Variants in ELF1 observed in about 807,000 individuals in gnomAD.
ELF1 encodes the protein ETS-related transcription factor Elf-1.
ELF1 carries 24 observed loss-of-function variants against 59.9 expected under a neutral mutation model. The observed-to-expected ratio is 0.40, with a 90% CI of 0.29 to 0.56. The LOEUF (loss-of-function observed/expected upper bound fraction) is 0.56. ELF1 is among the 20% of genes least tolerant of loss of function. The probability of loss-of-function intolerance (pLI) is 0.44; values close to 1 mark genes in which losing one functional copy is unlikely to be tolerated. For missense variants in ELF1, 627 were observed against 742.2 expected (o/e 0.84, Z 1.80); for synonymous variants, 248 against 266.2 (o/e 0.93, Z 0.67).
intron 1 of ELF1, among the ~76,000 whole-genome samples, chr13:41,047,309 C>T (rs890868716): frequency 6.6e-5 from 10 of 152,352 alleles, no homozygotes; most frequent in African/African-American, 9.6e-5. Context: ...AGCTTTGTTC[C>T]GTTGCTGGCG....
At chr13:40,973,353 G>T (rs1256680693) in intron 2 of ELF1, among the ~76,000 whole-genome samples, 1 of 152,096 alleles carries the variant, frequency 6.6e-6, no homozygotes, top group African/African-American at 2.4e-5. Flanking sequence ...TCCAAAAGAA[G>T]AATTGCTCTA....
intron 1 of ELF1, among the ~76,000 whole-genome samples, chr13:41,049,605 T>C (rs1876998758): frequency 6.6e-6 from 1 of 152,086 alleles, no homozygotes; most frequent in African/African-American, 2.4e-5. Context: ...TTTCCCAAAA[T>C]ACACTCTTTC....
At chr13:40,976,195 A>G (rs1216833286) in intron 2 of ELF1, among the ~76,000 whole-genome samples, 2 of 152,338 alleles carry the variant, frequency 1.3e-5, no homozygotes, top group Non-Finnish European at 2.9e-5. Context: ...AGCATTCTGG[A>G]AAATTACATA....
At chr13:41,061,356 T>A in exon 1 of ELF1, 1 of 476,578 alleles carries the variant, frequency 2.1e-6, no homozygotes, top group Non-Finnish European at 3.8e-6. Flanking sequence ...TGAGATCCCG[T>A]CCTTCAGCTC....
At chr13:41,017,760 G>C (rs911143301) in intron 1 of ELF1, among the ~76,000 whole-genome samples, 1 of 151,450 alleles carries the variant, frequency 6.6e-6, no homozygotes, top group Non-Finnish European at 1.5e-5. Flanking sequence ...TGTGCCTCTT[G>C]ATTTTTCTCT....
chr13:40,955,667 A>G, intron 3 of ELF1, among the ~76,000 whole-genome samples: 1 of 116,018 alleles, frequency 8.6e-6, no homozygotes, highest in South Asian at 3.1e-4. Flanking sequence ...CCCGTCCGGG[A>G]GGGAGGTGGG....
intron 1 of ELF1, chr13:40,982,849 A>T (rs1469980959): frequency 2.0e-6 from 2 of 984,738 alleles, no homozygotes; most frequent in South Asian, 4.7e-5. Context: ...AAAATGTTTT[A>T]AAAATTACCA....
intron 1 of ELF1, among the ~76,000 whole-genome samples, chr13:41,002,791 T>A (rs997325668): frequency 6.6e-6 from 1 of 152,028 alleles, no homozygotes; most frequent in East Asian, 1.9e-4. Flanking sequence ...CAAATGCAAA[T>A]CATAGTAATA....
At chr13:41,037,479 C>T (rs759572561) in intron 1 of ELF1, among the ~76,000 whole-genome samples, 2 of 152,156 alleles carry the variant, frequency 1.3e-5, no homozygotes, top group Non-Finnish European at 1.5e-5. Flanking sequence ...AAACCTCAAA[C>T]CTCAAAAATA....
intron 1 of ELF1, among the ~76,000 whole-genome samples, chr13:41,045,950 T>G (rs972912966): frequency 6.6e-6 from 1 of 152,218 alleles, no homozygotes. Flanking sequence ...AGGACTTGCT[T>G]CATGAATCTG....
At chr13:41,060,159 G>A (rs912477213) in intron 1 of ELF1, among the ~76,000 whole-genome samples, 1 of 152,202 alleles carries the variant, frequency 6.6e-6, no homozygotes, top group African/African-American at 2.4e-5. Context: ...CGGCGGAAAG[G>A]GGCGCCGGGC....
chr13:41,000,672 C>A (rs1024259180), intron 1 of ELF1, among the ~76,000 whole-genome samples: 7 of 152,142 alleles, frequency 4.6e-5, no homozygotes, highest in African/African-American at 1.7e-4. Context: ...AGGAATTGTA[C>A]AATATCACAA....
chr13:40,950,638 T>C (rs1870793792), intron 4 of ELF1, among the ~76,000 whole-genome samples: 1 of 152,370 alleles, frequency 6.6e-6, no homozygotes, highest in East Asian at 1.9e-4. Context: ...TCTCTGATAT[T>C]CTCAGCTAGA....
At position 40,971,941 on chromosome 13, in the gene ELF1, GT is replaced by G. The variant is rs1418677260; in HGVS notation, c.72+10041del. Reference sequence around the variant, plus strand: ...CAGTTATGAGGTAAACAAACAGGTAGTTTTTTTTTGGGGGGGGGTATAGTAA... The same window carrying G: ...CAGTTATGAGGTAAACAAACAGGTAGTTTTTTTTGGGGGGGGGTATAGTAA... On this transcript the variant is annotated intron_variant, in intron 2 of 8. Coordinates refer to ENST00000239882, the MANE Select transcript of ELF1 (RefSeq NM_172373.4). 9.8e-3 allele frequency among the ~76,000 whole-genome samples: 954 copies of G among 97,828 alleles called. 3 individuals are homozygous for G. Among genetic ancestry groups the G allele is most frequent in the African/African-American group, 0.016 (555 of 35,748 alleles). The allele number at this position is 97,828 out of a possible 152,430, so 64.2% of individuals were successfully genotyped here.
rs1869438388 is a variant in ELF1, at chr13:40,931,986, GCA to G, written c.*1437_*1438del. 6.6e-6 allele frequency: 1 copy of G among 152,110 alleles called. No homozygotes were observed. The highest frequency in any genetic ancestry group is 2.4e-5 in the African/African-American group (1 of 41,428). 9.4% of individuals were successfully genotyped at this position (152,110 alleles called of 1,614,324 possible). ...TGCTGATGTTCTAGTAATATTCTCT[GCA>G]CACTTATTCTTTAAGAAACTTTTGC... On this transcript the variant is annotated 3_prime_UTR_variant, in exon 9 of 9. Coordinates refer to ENST00000239882, the MANE Select transcript of ELF1 (RefSeq NM_172373.4).
chr13:40,976,913 C>T (rs1043724977), intron 2 of ELF1, among the ~76,000 whole-genome samples: 2 of 152,130 alleles, frequency 1.3e-5, no homozygotes, highest in Non-Finnish European at 2.9e-5. Flanking sequence ...GAGGAAAGTG[C>T]TAAGACTACC....
At chr13:40,965,393 G>A (rs773983876) in intron 2 of ELF1, among the ~76,000 whole-genome samples, 26 of 152,228 alleles carry the variant, frequency 1.7e-4, no homozygotes, top group South Asian at 1.0e-3. Context: ...AGGCCGAAGC[G>A]GGTGGATCAC....
intron 1 of ELF1, among the ~76,000 whole-genome samples, chr13:40,995,113 C>T (rs1386146280): frequency 6.6e-6 from 1 of 152,142 alleles, no homozygotes; most frequent in East Asian, 1.9e-4. Context: ...ACACCAACAA[C>T]TGAAAGCAAG....
chr13:40,977,748 A>C (rs970219603), intron 2 of ELF1, among the ~76,000 whole-genome samples: 2 of 152,328 alleles, frequency 1.3e-5, no homozygotes, highest in Middle Eastern at 3.4e-3. Flanking sequence ...AAATTCATTC[A>C]AAATCCTATT....
Sources: gnomAD v4.1 joint callset for allele counts (sites outside exome capture counted in the v4.1 genomes callset) on GRCh38, gnomAD v4.1.1 for gene constraint, MANE v1.5 for transcripts, NCBI Gene and HGNC (gene_info 2026-07-23, HGNC 2026-07-21) for gene names.